Variants in PPARG observed in about 807,000 individuals in gnomAD.
The protein encoded by PPARG is peroxisome proliferator activated receptor gamma.
Under a neutral mutation model 39.2 loss-of-function variants are expected in PPARG, and 17 were observed. The observed-to-expected ratio is 0.43, with a 90% CI of 0.30 to 0.65. PPARG has a LOEUF of 0.65. Among genes scored for constraint, PPARG ranks in the 30% least tolerant of loss-of-function variants. The pLI, the probability that PPARG is intolerant of heterozygous loss-of-function variation, is 0.13. For synonymous variants in PPARG, 223 were observed against 215.7 expected (o/e 1.03, Z -0.30); for missense variants, 406 against 585.9 (o/e 0.69, Z 3.17).
rs941659590 is a variant in PPARG at position 12,307,346 on chromosome 3, T to C, written c.-82-5034T>C. ...TTAGGGGACAGATCCGTGTATTTAC[T>C]TGCATAGGACAAAAATTAGTCATTT... On this transcript the variant is annotated intron_variant, in intron 1 of 7. Transcript: ENST00000651735. 9.2e-5 allele frequency among the ~76,000 whole-genome samples: 14 copies of C among 152,232 alleles called. No homozygotes were observed. In the East Asian group the frequency reaches 2.7e-3, roughly 29 times the overall value.
chr3:12,333,694 G>T (rs1012040677), intron 2 of PPARG, among the ~76,000 whole-genome samples: 3 of 152,120 alleles, frequency 2.0e-5, no homozygotes, highest in Admixed American at 6.5e-5. Flanking sequence ...TCGTCTAGAA[G>T]GCTCCACACT....
At chr3:12,381,713 A>G (rs945126969) in intron 4 of PPARG, among the ~76,000 whole-genome samples, 1 of 147,402 alleles carries the variant, frequency 6.8e-6, no homozygotes, top group Non-Finnish European at 1.5e-5. Context: ...AAAGGATGAT[A>G]TAAGATTTGA....
intron 1 of PPARG, among the ~76,000 whole-genome samples, chr3:12,304,547 GA>G (rs1042697446): frequency 2.0e-5 from 3 of 152,028 alleles, no homozygotes; most frequent in African/African-American, 7.2e-5. Context: ...AGCTGCAGAA[GA>G]AAAAAATTTG....
rs567655897 is a variant in PPARG, at chr3:12,298,406, C to A, written c.-83+9272C>A. Among the ~76,000 whole-genome samples, 10 of 148,642 alleles carry A rather than the reference C, an allele frequency of 6.7e-5. No individual in the cohort carries two copies. The South Asian group carries it at 1.9e-3, about 28-fold the overall frequency. On this transcript the variant is annotated intron_variant, in intron 1 of 7. Coordinates refer to ENST00000651735, the MANE Select transcript of PPARG (RefSeq NM_138711.6). Reference sequence around the variant, plus strand: ...TGAAAGTTATATATATGTATAGACACACACACACACACACACACAGTAATA... The same window carrying A: ...TGAAAGTTATATATATGTATAGACAAACACACACACACACACACAGTAATA...
At chr3:12,411,978 T>C (rs887287384) in intron 6 of PPARG, among the ~76,000 whole-genome samples, 1 of 152,190 alleles carries the variant, frequency 6.6e-6, no homozygotes, top group African/African-American at 2.4e-5. Context: ...CCACACTCGA[T>C]GAGGCACACA....
chr3:12,386,238 CGAT>C (rs766059636), intron 4 of PPARG, among the ~76,000 whole-genome samples: 27 of 152,212 alleles, frequency 1.8e-4, no homozygotes, highest in Non-Finnish European at 2.1e-4. Flanking sequence ...GAAAAGCACT[CGAT>C]AATATCCTTA....
At chr3:12,374,722 A>G (rs116053435) in intron 2 of PPARG, among the ~76,000 whole-genome samples, 2,179 of 152,264 alleles carry the variant, frequency 0.014, 20 homozygotes, top group Non-Finnish European at 0.021. Context: ...TAGCAGGTAT[A>G]CTACACTGTG....
At chr3:12,402,933 C>T (rs1287451733) in intron 5 of PPARG, among the ~76,000 whole-genome samples, 3 of 152,074 alleles carry the variant, frequency 2.0e-5, no homozygotes, top group Non-Finnish European at 1.5e-5. Flanking sequence ...CTACACATAC[C>T]CTCCTGTATA....
chr3:12,392,548 G>T, intron 4 of PPARG, 66 bp from the exon 5 acceptor site: 1 of 1,571,770 alleles, frequency 6.4e-7, no homozygotes, highest in Middle Eastern at 1.7e-4. Flanking sequence ...TATACCTTTC[G>T]CTGTAGGTTG....
In PPARG at chr3:12,400,451, T is replaced by C. The variant is rs148304179; in HGVS notation, c.530-5431T>C. 5.9e-5 allele frequency among the ~76,000 whole-genome samples: 9 copies of C among 152,338 alleles called. No individual in the cohort carries two copies. In the East Asian group the frequency reaches 1.5e-3, roughly 26 times the overall value. Reference sequence around the variant, plus strand: ...CTAGTAGTAGCTACATTCAGCTCAATAGAAGTGTGTTGTATAAAGGAATGC... The same window carrying C: ...CTAGTAGTAGCTACATTCAGCTCAACAGAAGTGTGTTGTATAAAGGAATGC... On this transcript the variant is annotated intron_variant, in intron 5 of 7. Coordinates refer to ENST00000651735, the MANE Select transcript of PPARG (RefSeq NM_138711.6).
At chr3:12,422,385 G>A (rs969940399) in intron 7 of PPARG, among the ~76,000 whole-genome samples, 15 of 152,142 alleles carry the variant, frequency 9.9e-5, no homozygotes, top group African/African-American at 3.4e-4. Flanking sequence ...GCAGTTTGCC[G>A]AAGGTCACAG....
At chr3:12,354,860 T>C (rs941657167) in intron 2 of PPARG, among the ~76,000 whole-genome samples, 1 of 152,108 alleles carries the variant, frequency 6.6e-6, no homozygotes, top group Admixed American at 6.5e-5. Context: ...GTGGCAGTTA[T>C]ATGAATGAAG....
At chr3:12,353,756 A>G (rs1408964838) in intron 2 of PPARG, among the ~76,000 whole-genome samples, 1 of 152,160 alleles carries the variant, frequency 6.6e-6, no homozygotes, top group African/African-American at 2.4e-5. Flanking sequence ...ACCCCTTTAT[A>G]TTATTCCCCT....
intron 7 of PPARG, among the ~76,000 whole-genome samples, chr3:12,432,140 T>A (rs1051209661): frequency 6.6e-6 from 1 of 152,134 alleles, no homozygotes; most frequent in African/African-American, 2.4e-5. Flanking sequence ...GCAAACAAAT[T>A]CTAAGAAACC....
intron 4 of PPARG, 64 bp from the exon 5 acceptor site, chr3:12,392,550 T>A: frequency 6.3e-7 from 1 of 1,578,802 alleles, no homozygotes; most frequent in Non-Finnish European, 8.7e-7. Flanking sequence ...TACCTTTCGC[T>A]GTAGGTTGCT....
intron 4 of PPARG, among the ~76,000 whole-genome samples, chr3:12,389,252 GAGA>G (rs1335361205): frequency 6.6e-6 from 1 of 152,102 alleles, no homozygotes; most frequent in Admixed American, 6.6e-5. Flanking sequence ...AGTAAGTAGT[GAGA>G]AGAAGATGGA....
At chr3:12,385,287 C>T (rs1170887164) in intron 4 of PPARG, among the ~76,000 whole-genome samples, 1 of 152,122 alleles carries the variant, frequency 6.6e-6, no homozygotes, top group Non-Finnish European at 1.5e-5. Flanking sequence ...ATAAACACAG[C>T]ATAAAACAAC....
chr3:12,403,921 G>A (rs2050566156), intron 5 of PPARG, among the ~76,000 whole-genome samples: 1 of 152,168 alleles, frequency 6.6e-6, no homozygotes, highest in Admixed American at 6.6e-5. Context: ...CAAGATTCCT[G>A]CCTTTGTGGA....
At chr3:12,332,542 A>G (rs1242202527) in intron 2 of PPARG, among the ~76,000 whole-genome samples, 1 of 152,174 alleles carries the variant, frequency 6.6e-6, no homozygotes, top group African/African-American at 2.4e-5. Flanking sequence ...TCACAGTTAT[A>G]TGGCATTTGT....
Sources: gnomAD v4.1 joint callset for allele counts (sites outside exome capture counted in the v4.1 genomes callset) on GRCh38, gnomAD v4.1.1 for gene constraint, MANE v1.5 for transcripts, NCBI Gene and HGNC (gene_info 2026-07-23, HGNC 2026-07-21) for gene names.